The following GMCL1 variants were observed in gnomAD, a reference collection of about 807,000 sequenced individuals.
GMCL1 encodes germ cell-less 1, spermatogenesis associated.
Under a neutral mutation model 75.5 loss-of-function variants are expected in GMCL1, and 54 were observed. The ratio of observed to expected loss-of-function variants is 0.71; its 90% CI spans 0.57 to 0.90. The LOEUF (loss-of-function observed/expected upper bound fraction) is 0.90. Ranked by LOEUF, GMCL1 falls within the 40% of genes least tolerant of loss-of-function variation. GMCL1 has a pLI of 0.00. For synonymous variants in GMCL1, 210 were observed against 209.6 expected, an observed-to-expected ratio of 1.00 and a Z score of -0.02; for missense variants, 537 against 622.7, an observed-to-expected ratio of 0.86 and a Z score of 1.47.
intron 9 of GMCL1, among the ~76,000 whole-genome samples, chr2:69,856,502 A>C (rs573986679): frequency 5.9e-5 from 9 of 152,234 alleles, no homozygotes; most frequent in South Asian, 2.1e-4. Flanking sequence ...CATTAGGTTC[A>C]TTAACTGTCT....
chr2:69,847,648 C>T (rs992335330), intron 7 of GMCL1, 21 bp downstream of exon 7: 4 of 1,436,644 alleles, frequency 2.8e-6, no homozygotes, highest in Non-Finnish European at 3.9e-6. Context: ...AATATGATGT[C>T]ATATTATACA....
At chr2:69,872,043 A>G (rs530021749) in intron 13 of GMCL1, among the ~76,000 whole-genome samples, 2 of 152,332 alleles carry the variant, frequency 1.3e-5, no homozygotes, top group East Asian at 3.8e-4. Flanking sequence ...AAAAAAAGAA[A>G]ACACTGTTTG....
chr2:69,870,159 T>C (rs1675945945), intron 12 of GMCL1, among the ~76,000 whole-genome samples: 3 of 151,090 alleles, frequency 2.0e-5, no homozygotes. Context: ...ACTGTTGAAA[T>C]ATGTAGCAAG....
intron 9 of GMCL1, among the ~76,000 whole-genome samples, chr2:69,859,220 CTT>C (rs1261032529): frequency 1.3e-5 from 2 of 151,118 alleles, no homozygotes; most frequent in Non-Finnish European, 2.9e-5. Flanking sequence ...ATGTCTGACT[CTT>C]TCATTCCAAT....
chr2:69,847,401 T>C, intron 6 of GMCL1, 142 bp from the exon 7 acceptor site: 1 of 682,790 alleles, frequency 1.5e-6, no homozygotes. Context: ...TTTTCTAAGA[T>C]TCTTTGTCTT....
chr2:69,864,783 C>A, intron 10 of GMCL1, 117 bp from the exon 11 acceptor site: 1 of 655,676 alleles, frequency 1.5e-6, no homozygotes, highest in Non-Finnish European at 2.6e-6. Context: ...TTTATCTGTA[C>A]CACAAAAACT....
rs1011924493 is a variant in GMCL1 at position 69,879,681 on chromosome 2, G to T, written c.*677G>T. The T allele has an allele frequency of 5.3e-5, 8 of 152,068 alleles. No individual in the cohort carries two copies. Among genetic ancestry groups the T allele is most frequent in the African/African-American group, 1.9e-4 (8 of 41,408 alleles). 9.4% of individuals were successfully genotyped at this position (152,068 alleles called of 1,614,324 possible). ...TAATTTGACTTTCCTAGGAGTTTAA[G>T]AACAGTGAAAGTTAGCTTTGCACCT... On this transcript the variant is annotated 3_prime_UTR_variant, in exon 14 of 14. Transcript: ENST00000282570.
chr2:69,842,908 T>TC (rs144330116), intron 4 of GMCL1: 10,388 of 278,484 alleles, frequency 0.037, 863 homozygotes, highest in Admixed American at 0.21. Context: ...ACCTTACTAC[T>TC]CCCCCCCACC....
Position 69,829,884 on chromosome 2 carries a change from C to A in GMCL1, c.-9C>A. 6.3e-7 allele frequency: 1 copy of A among 1,583,776 alleles called. No individual in the cohort carries two copies. The highest frequency in any genetic ancestry group is 8.6e-7 in the Non-Finnish European group (1 of 1,165,696). ...CTGGGCTCCCTGAAGTCTCGGGGAG[C>A]CGTGACCCATGGGATCGTTGAGCAG... On this transcript the variant is annotated 5_prime_UTR_variant, in exon 1 of 14. Transcript: ENST00000282570.
At chr2:69,858,631 T>A (rs561414522) in intron 9 of GMCL1, among the ~76,000 whole-genome samples, 10 of 152,318 alleles carry the variant, frequency 6.6e-5, no homozygotes, top group Non-Finnish European at 1.3e-4. Context: ...TAACATTGCA[T>A]TTGAACTTGT....
intron 13 of GMCL1, among the ~76,000 whole-genome samples, chr2:69,875,435 T>A (rs896348664): frequency 6.6e-6 from 1 of 152,140 alleles, no homozygotes; most frequent in African/African-American, 2.4e-5. Context: ...TTCAAAAATC[T>A]CTCAGTTCTT....
intron 9 of GMCL1, 135 bp downstream of exon 9, chr2:69,855,095 AATC>A: frequency 1.5e-6 from 1 of 645,256 alleles, no homozygotes; most frequent in South Asian, 2.3e-5. Context: ...GCCAAAGTGG[AATC>A]ATCCTATAGA....
chr2:69,873,217 G>A (rs140697220), intron 13 of GMCL1, among the ~76,000 whole-genome samples: 12 of 152,254 alleles, frequency 7.9e-5, no homozygotes, highest in East Asian at 1.9e-4. Context: ...TAAGATTTCC[G>A]GAAGCAAGGG....
At position 69,854,975 on chromosome 2, in the gene GMCL1, T is replaced by G; in HGVS notation, c.1072+15T>G. 4.5e-6 allele frequency: 7 copies of G among 1,563,884 alleles called. No homozygotes were observed. Among genetic ancestry groups the G allele is most frequent in the Non-Finnish European group, 6.1e-6 (7 of 1,149,836 alleles). On this transcript the variant is annotated intron_variant, in intron 9 of 13. Transcript: ENST00000282570. ...AGTACCTTCAGGTAAGAGAACATAA[T>G]TTGTAATTTTAAGTAATATATTTCT...
chr2:69,832,572 A>G (rs1332492427), intron 1 of GMCL1, among the ~76,000 whole-genome samples: 2 of 152,332 alleles, frequency 1.3e-5, no homozygotes, highest in Admixed American at 6.5e-5. Flanking sequence ...TGTATCCATC[A>G]GCCACTTTCT....
intron 11 of GMCL1, among the ~76,000 whole-genome samples, chr2:69,865,389 T>C (rs1675781197): frequency 6.6e-6 from 1 of 152,218 alleles, no homozygotes; most frequent in Non-Finnish European, 1.5e-5. Flanking sequence ...GGCTCACGCC[T>C]ATAATCCCAG....
intron 13 of GMCL1, among the ~76,000 whole-genome samples, 200 bp downstream of exon 13, chr2:69,872,032 G>C (rs1216979766): frequency 6.6e-6 from 1 of 151,974 alleles, no homozygotes; most frequent in African/African-American, 2.4e-5. Context: ...ATAATTAGGA[G>C]AAAAAAAGAA....
chr2:69,857,541 T>A (rs1217782621), intron 9 of GMCL1, among the ~76,000 whole-genome samples: 15 of 152,212 alleles, frequency 9.9e-5, no homozygotes, highest in Admixed American at 9.8e-4. Flanking sequence ...TGAAAATAAG[T>A]TACTGAAAAT....
At chr2:69,866,187 G>A (rs1019026334) in intron 11 of GMCL1, among the ~76,000 whole-genome samples, 1 of 151,576 alleles carries the variant, frequency 6.6e-6, no homozygotes, top group African/African-American at 2.4e-5. Flanking sequence ...GGCAGACGTT[G>A]CAGTGAGTCA....
Sources: gnomAD v4.1 joint callset for allele counts (sites outside exome capture counted in the v4.1 genomes callset) on GRCh38, gnomAD v4.1.1 for gene constraint, MANE v1.5 for transcripts, NCBI Gene and HGNC (gene_info 2026-07-23, HGNC 2026-07-21) for gene names.